ANKRD6: variants seen among roughly 807,000 people sequenced by gnomAD.
ANKRD6 encodes ankyrin repeat domain 6, also known as ankyrin repeat domain-containing protein 6.
ANKRD6 carries 56 observed loss-of-function variants against 82.3 expected under a neutral mutation model. The ratio of observed to expected loss-of-function variants is 0.68; its 90% CI spans 0.55 to 0.85. The LOEUF (loss-of-function observed/expected upper bound fraction) is 0.85. Ranked by LOEUF, ANKRD6 falls within the 40% of genes least tolerant of loss-of-function variation. The pLI, the probability that ANKRD6 is intolerant of heterozygous loss-of-function variation, is 0.00. For missense variants in ANKRD6, 852 were observed against 907.6 expected (o/e 0.94, Z 0.79); for synonymous variants, 347 against 352.1 (o/e 0.99, Z 0.16).
chr6:89,586,298 T>C (rs1793668820), intron 2 of ANKRD6, among the ~76,000 whole-genome samples: 1 of 152,170 alleles, frequency 6.6e-6, no homozygotes, highest in South Asian at 2.1e-4. Flanking sequence ...TGGTTTTTGT[T>C]AGAAACCAGA....
intron 8 of ANKRD6, among the ~76,000 whole-genome samples, 166 bp from the exon 9 acceptor site, chr6:89,617,788 G>A (rs750059564): frequency 6.6e-6 from 1 of 152,196 alleles, no homozygotes; most frequent in South Asian, 2.1e-4. Context: ...AGGGTCTGAG[G>A]CTGATGACCA....
At chr6:89,480,714 G>C (rs1776682899) in intron 1 of ANKRD6, among the ~76,000 whole-genome samples, 1 of 151,074 alleles carries the variant, frequency 6.6e-6, no homozygotes, top group South Asian at 2.1e-4. Flanking sequence ...AAGGCAGGAG[G>C]ATCACTTGAG....
chr6:89,574,846 C>A (rs1296642217), intron 2 of ANKRD6, among the ~76,000 whole-genome samples: 2 of 152,166 alleles, frequency 1.3e-5, no homozygotes, highest in Non-Finnish European at 1.5e-5. Context: ...CCCTTGAAGG[C>A]TCACTGAAAA....
At chr6:89,460,497 C>T (rs549791305) in intron 1 of ANKRD6, among the ~76,000 whole-genome samples, 3 of 151,924 alleles carry the variant, frequency 2.0e-5, no homozygotes, top group East Asian at 1.9e-4. Context: ...AGTGCAATGG[C>T]GCAATCTCAG....
At chr6:89,567,458 C>T (rs898575630) in intron 2 of ANKRD6, among the ~76,000 whole-genome samples, 4 of 152,102 alleles carry the variant, frequency 2.6e-5, no homozygotes, top group African/African-American at 9.7e-5. Context: ...GTACACAGCC[C>T]CTCCACTGTG....
intron 1 of ANKRD6, among the ~76,000 whole-genome samples, chr6:89,490,736 A>G (rs1777918185): frequency 6.6e-6 from 1 of 152,148 alleles, no homozygotes. Flanking sequence ...TGTGTCTTTG[A>G]GAGAAAACTC....
intron 1 of ANKRD6, among the ~76,000 whole-genome samples, chr6:89,497,479 T>G (rs1045941209): frequency 6.6e-6 from 1 of 152,162 alleles, no homozygotes; most frequent in Admixed American, 6.5e-5. Context: ...TTCTGCTTTG[T>G]AGGAAGACTA....
chr6:89,444,637 T>A (rs1245716620), intron 1 of ANKRD6, among the ~76,000 whole-genome samples: 1 of 152,174 alleles, frequency 6.6e-6, no homozygotes, highest in African/African-American at 2.4e-5. Context: ...CTAGGGAAAT[T>A]GATTTCAAAA....
chr6:89,515,694 G>A (rs1781120552), intron 1 of ANKRD6, among the ~76,000 whole-genome samples: 1 of 152,000 alleles, frequency 6.6e-6, no homozygotes, highest in Non-Finnish European at 1.5e-5. Context: ...TGCTTCTCCT[G>A]GATTATCTGG....
At chr6:89,520,242 C>T (rs1405468928) in intron 1 of ANKRD6, among the ~76,000 whole-genome samples, 1 of 152,206 alleles carries the variant, frequency 6.6e-6, no homozygotes, top group Non-Finnish European at 1.5e-5. Context: ...ACCTTGGCCT[C>T]CCAAAGTGTT....
intron 1 of ANKRD6, among the ~76,000 whole-genome samples, chr6:89,439,699 TC>T (rs1467981221): frequency 1.3e-5 from 2 of 152,172 alleles, no homozygotes; most frequent in Non-Finnish European, 2.9e-5. Flanking sequence ...ATCCTAATTT[TC>T]TTTTTTTTCT....
At chr6:89,579,284 C>T (rs1470897556) in intron 2 of ANKRD6, among the ~76,000 whole-genome samples, 1 of 152,228 alleles carries the variant, frequency 6.6e-6, no homozygotes, top group African/African-American at 2.4e-5. Flanking sequence ...TCAGTATATG[C>T]AAACTACTTA....
chr6:89,443,720 A>G (rs772620178), intron 1 of ANKRD6, among the ~76,000 whole-genome samples: 5 of 152,186 alleles, frequency 3.3e-5, no homozygotes, highest in African/African-American at 9.7e-5. Flanking sequence ...CCTTATGGCA[A>G]TTTGTCTTTT....
intron 1 of ANKRD6, chr6:89,561,371 C>T (rs556901784): frequency 6.6e-6 from 1 of 152,302 alleles, no homozygotes; most frequent in East Asian, 1.9e-4. Context: ...CTTGCTAAAG[C>T]AGAGCGTGTC....
intron 1 of ANKRD6, among the ~76,000 whole-genome samples, chr6:89,527,328 C>A (rs1782608996): frequency 6.6e-6 from 1 of 152,096 alleles, no homozygotes; most frequent in South Asian, 2.1e-4. Context: ...GGTGCAGTGA[C>A]TCACGCCTGT....
At chr6:89,489,120 G>A (rs377448248) in intron 1 of ANKRD6, among the ~76,000 whole-genome samples, 7 of 152,242 alleles carry the variant, frequency 4.6e-5, no homozygotes, top group Admixed American at 3.3e-4. Context: ...CATGTCCAGG[G>A]CATTGCTCCT....
intron 1 of ANKRD6, among the ~76,000 whole-genome samples, chr6:89,517,411 A>G (rs1045463905): frequency 6.6e-6 from 1 of 152,260 alleles, no homozygotes; most frequent in Admixed American, 6.5e-5. Flanking sequence ...GGCACATAAT[A>G]GAATAAACTT....
intron 1 of ANKRD6, among the ~76,000 whole-genome samples, chr6:89,457,908 G>T (rs937445386): frequency 6.6e-6 from 1 of 152,178 alleles, no homozygotes; most frequent in Non-Finnish European, 1.5e-5. Context: ...GTACTAGGAG[G>T]TGGGGCCTTT....
chr6:89,531,322 A>G (rs1297427712), intron 1 of ANKRD6, among the ~76,000 whole-genome samples: 2 of 152,260 alleles, frequency 1.3e-5, no homozygotes, highest in Non-Finnish European at 2.9e-5. Context: ...GCTCAAATGG[A>G]GAGAACCAAT....
Sources: gnomAD v4.1 joint callset for allele counts (sites outside exome capture counted in the v4.1 genomes callset) on GRCh38, gnomAD v4.1.1 for gene constraint, MANE v1.5 for transcripts, NCBI Gene and HGNC (gene_info 2026-07-23, HGNC 2026-07-21) for gene names.